VOPP1: variants seen among roughly 807,000 people sequenced by gnomAD.
The protein encoded by VOPP1 is VOPP1 WW domain binding protein, also known as WW domain binding protein VOPP1.
A neutral mutation model predicts 23.5 loss-of-function variants in VOPP1; 8 were observed. That is an observed-to-expected ratio of 0.34 (90% CI 0.20 to 0.61). VOPP1 has a LOEUF of 0.61. VOPP1 is among the 20% of genes least tolerant of loss of function. VOPP1 has a pLI of 0.78. For missense variants in VOPP1, 174 were observed against 238.1 expected (o/e 0.73, Z 1.77); for synonymous variants, 83 against 97.3 (o/e 0.85, Z 0.86).
intron 4 of VOPP1, among the ~76,000 whole-genome samples, chr7:55,484,443 G>C (rs1792977895): frequency 1.3e-5 from 2 of 152,194 alleles, no homozygotes; most frequent in South Asian, 4.2e-4. Flanking sequence ...CAGTCGCTGG[G>C]GGGTGGGGGT....
chr7:55,468,194 C>A (rs1033208361), downstream of VOPP1, among the ~76,000 whole-genome samples: 5 of 151,440 alleles, frequency 3.3e-5, no homozygotes, highest in Non-Finnish European at 7.4e-5. Flanking sequence ...TCCCTTGAAC[C>A]CGGGAGGAGG....
Position 55,507,241 on chromosome 7 carries a change from G to A in VOPP1, c.114-9551C>T, listed in dbSNP as rs552021608. 3.9e-5 allele frequency among the ~76,000 whole-genome samples: 6 copies of A among 152,186 alleles called. No homozygotes were observed. The South Asian group carries it at 8.3e-4, about 21-fold the overall frequency. ...CTGTCCAGCAGCTTTAAAAACACCC[G>A]TGCCTGCTGGCTGGGACACACTCCT... On this transcript the variant is annotated intron_variant, in intron 2 of 4. Coordinates refer to ENST00000285279, the MANE Select transcript of VOPP1 (RefSeq NM_030796.5).
At chr7:55,445,244 G>GACATACACACACAGACAC in intron 4 of VOPP1, among the ~76,000 whole-genome samples, 1 of 121,396 alleles carries the variant, frequency 8.2e-6, no homozygotes. Context: ...CACACACACA[G>GACATACACACACAGACAC]ACACACACAC....
chr7:55,538,751 C>G (rs944690797), intron 1 of VOPP1: 1 of 1,190,594 alleles, frequency 8.4e-7, no homozygotes, highest in South Asian at 1.4e-5. Context: ...TAAAGGAACG[C>G]TTTCTAAGGG....
intron 2 of VOPP1, among the ~76,000 whole-genome samples, chr7:55,502,067 G>A (rs2129028617): frequency 6.6e-6 from 1 of 152,338 alleles, no homozygotes; most frequent in Non-Finnish European, 1.5e-5. Flanking sequence ...TTCATGAGCT[G>A]AATTTGCTAA....
intron 2 of VOPP1, among the ~76,000 whole-genome samples, chr7:55,520,325 T>C (rs1795755931): frequency 1.3e-5 from 2 of 152,100 alleles, no homozygotes; most frequent in South Asian, 4.1e-4. Flanking sequence ...TAATAGAGCT[T>C]TCGGGAAAAT....
rs552520649 is a variant in VOPP1 at position 55,462,846 on chromosome 7, C to T, written n.418-26672G>A. Among the ~76,000 whole-genome samples, 37 of 148,284 alleles carry T rather than the reference C, an allele frequency of 2.5e-4. 1 individual carries two copies. Among genetic ancestry groups the T allele is most frequent in the South Asian group, 1.9e-3 (9 of 4,736 alleles). ...AATTTTTTTGTATTTTTAGTAGAGACGGGGTTTCACCGTTTTAGCCGGGAT... is the reference window on the plus strand; with the variant it reads ...AATTTTTTTGTATTTTTAGTAGAGATGGGGTTTCACCGTTTTAGCCGGGAT... On this transcript the variant is annotated intron_variant and non_coding_transcript_variant, in intron 4 of 4. Transcript: ENST00000462326.
intron 2 of VOPP1, among the ~76,000 whole-genome samples, chr7:55,498,479 C>G (rs1794137989): frequency 6.6e-6 from 1 of 152,026 alleles, no homozygotes. Flanking sequence ...CCTCGACATC[C>G]CTGCCCTGCC....
chr7:55,491,484 A>G (rs1477567529), intron 4 of VOPP1, among the ~76,000 whole-genome samples: 2 of 149,104 alleles, frequency 1.3e-5, no homozygotes, highest in African/African-American at 5.0e-5. Flanking sequence ...CATCAGCAAC[A>G]CCCCTCTGCC....
intron 1 of VOPP1, among the ~76,000 whole-genome samples, chr7:55,548,040 C>G (rs1474152699): frequency 1.3e-5 from 2 of 152,136 alleles, no homozygotes; most frequent in Non-Finnish European, 2.9e-5. Context: ...AGACCGTGAC[C>G]GCAGATTCTG....
In VOPP1 at chr7:55,499,821, G is replaced by C. The variant is rs549616423; in HGVS notation, c.114-2131C>G. ...TGAGTGCAGGAGCACAGGGTGTGAG[G>C]GGGAGTGAGACACCTGGTCTGGCTG... On this transcript the variant is annotated intron_variant, in intron 2 of 4. Coordinates refer to ENST00000285279, the MANE Select transcript of VOPP1 (RefSeq NM_030796.5). Among the ~76,000 whole-genome samples the C allele has an allele frequency of 4.6e-5, 7 of 152,248 alleles. No individual in the cohort carries two copies. In the South Asian group the frequency reaches 1.5e-3, roughly 32 times the overall value.
chr7:55,488,065 C>G (rs1376880105), intron 4 of VOPP1, among the ~76,000 whole-genome samples: 1 of 152,186 alleles, frequency 6.6e-6, no homozygotes, highest in Non-Finnish European at 1.5e-5. Context: ...ATTTTTTCCT[C>G]TCTACCCAGG....
At chr7:55,526,390 G>C (rs1427395143) in intron 1 of VOPP1, among the ~76,000 whole-genome samples, 1 of 152,230 alleles carries the variant, frequency 6.6e-6, no homozygotes, top group Non-Finnish European at 1.5e-5. Context: ...AACCCTTGCT[G>C]ATCTCCACTA....
At chr7:55,462,712 G>A (rs1245960127) in intron 4 of VOPP1, among the ~76,000 whole-genome samples, 1 of 143,630 alleles carries the variant, frequency 7.0e-6, no homozygotes, top group African/African-American at 2.5e-5. Context: ...CTGGAGTGCA[G>A]TGGCGGGATC....
At chr7:55,551,221 C>A (rs1001199473) in intron 1 of VOPP1, among the ~76,000 whole-genome samples, 1 of 152,224 alleles carries the variant, frequency 6.6e-6, no homozygotes. Context: ...AGAAGACAAG[C>A]AAGGCTTCAT....
intron 1 of VOPP1, chr7:55,562,052 C>G (rs1263841690): frequency 1.4e-6 from 1 of 703,248 alleles, no homozygotes; most frequent in East Asian, 2.7e-5. Flanking sequence ...CAATGTGCAT[C>G]TGTTAAAAAA....
rs557627653 is a variant in VOPP1, at chr7:55,492,250, G to C, written c.328+32C>G. ...AATGTTGGCAGACGACACACACTGT[G>C]GGGAGGAGAGACAAGGACAGGGCTG... On this transcript the variant is annotated intron_variant, in intron 4 of 4. Transcript: ENST00000285279. 1.5e-5 allele frequency: 24 copies of C among 1,594,096 alleles called. No homozygotes were observed. In the South Asian group the frequency reaches 2.6e-4, roughly 17 times the overall value.
intron 4 of VOPP1, among the ~76,000 whole-genome samples, chr7:55,485,636 G>A (rs181648023): frequency 6.6e-6 from 1 of 152,338 alleles, no homozygotes; most frequent in Non-Finnish European, 1.5e-5. Flanking sequence ...CATAACCCCG[G>A]CTGTCCTGTG....
chr7:55,501,251 G>A (rs1237835528), intron 2 of VOPP1, among the ~76,000 whole-genome samples: 1 of 152,248 alleles, frequency 6.6e-6, no homozygotes, highest in African/African-American at 2.4e-5. Flanking sequence ...GCGATATGAG[G>A]TGAAAGGACG....
Sources: gnomAD v4.1 joint callset for allele counts (sites outside exome capture counted in the v4.1 genomes callset) on GRCh38, gnomAD v4.1.1 for gene constraint, MANE v1.5 for transcripts, NCBI Gene and HGNC (gene_info 2026-07-23, HGNC 2026-07-21) for gene names.